PHEX: variants seen among roughly 807,000 people sequenced by gnomAD.
PHEX encodes phosphate-regulating neutral endopeptidase PHEX.
A neutral mutation model predicts 68.0 loss-of-function variants in PHEX; 16 were observed. The ratio of observed to expected loss-of-function variants is 0.24; its 90% CI spans 0.16 to 0.36. PHEX has a LOEUF of 0.36. Ranked by LOEUF, PHEX falls within the 10% of genes least tolerant of loss-of-function variation. PHEX has a pLI of 1.00. For missense variants in PHEX, 480 were observed against 575.5 expected (o/e 0.83, Z 1.70); for synonymous variants, 208 against 205.1 (o/e 1.01, Z -0.12).
chrX:22,044,719 T>A (rs1009223821), intron 2 of PHEX, among the ~76,000 whole-genome samples: 1 of 77,361 alleles, frequency 1.3e-5, no homozygotes, highest in South Asian at 5.6e-4. Context: ...TCTCAAAAAA[T>A]AAATAAATAA....
intron 17 of PHEX, among the ~76,000 whole-genome samples, chrX:22,219,537 C>G (rs966998336): frequency 8.9e-6 from 1 of 112,447 alleles, no homozygotes; most frequent in African/African-American, 3.2e-5. Context: ...GCTTGGCTGA[C>G]TGGTTCCCTT....
chrX:22,155,595 C>CA lies in PHEX; in HGVS notation c.1405-12711dup, dbSNP rs373332034. Among the ~76,000 whole-genome samples, 195 of 111,455 alleles carry CA rather than the reference C, an allele frequency of 1.7e-3. 1 individual carries two copies. Among genetic ancestry groups the CA allele is most frequent in the African/African-American group, 6.2e-3 (191 of 30,745 alleles). ...TTTGTAAGTATTTTTTCCCATTCCC[C>CA]AAAAAATGCATTGATTTATTTCATA... On this transcript the variant is annotated intron_variant, in intron 12 of 21. Transcript: ENST00000379374.
At chrX:22,235,313 G>A (rs142820402) in intron 20 of PHEX, among the ~76,000 whole-genome samples, 351 of 111,947 alleles carry the variant, frequency 3.1e-3, no homozygotes, top group African/African-American at 0.01. Flanking sequence ...AGTTCTTCTC[G>A]ATGTTTCATA....
chrX:22,097,245 T>C (rs1165800130), intron 8 of PHEX, among the ~76,000 whole-genome samples: 1 of 112,631 alleles, frequency 8.9e-6, no homozygotes, highest in African/African-American at 3.2e-5. Flanking sequence ...AACAGTGGCT[T>C]AGAAACTTAA....
chrX:22,052,401 T>A (rs1381074372), intron 3 of PHEX, among the ~76,000 whole-genome samples: 1 of 111,169 alleles, frequency 9.0e-6, no homozygotes, highest in African/African-American at 3.3e-5. Flanking sequence ...ATCATTTTTA[T>A]ATTTTTAATA....
At chrX:22,083,720 T>C (rs1929494685) in intron 5 of PHEX, among the ~76,000 whole-genome samples, 1 of 112,270 alleles carries the variant, frequency 8.9e-6, no homozygotes, top group Non-Finnish European at 1.9e-5. Context: ...TGATCAGTTC[T>C]AATAGTTTTT....
intron 15 of PHEX, among the ~76,000 whole-genome samples, chrX:22,192,759 T>C (rs1934242372): frequency 8.9e-6 from 1 of 112,021 alleles, no homozygotes; most frequent in South Asian, 3.7e-4. Context: ...GCCTTCCCTC[T>C]GGCCAGTTGG....
chrX:22,154,997 C>T (rs1032298185), intron 12 of PHEX, among the ~76,000 whole-genome samples: 3 of 112,485 alleles, frequency 2.7e-5, no homozygotes, highest in South Asian at 3.6e-4. Flanking sequence ...CTGCAACCTC[C>T]GCCTCCCGCA....
chrX:22,234,491 C>T (rs749210830), intron 20 of PHEX, among the ~76,000 whole-genome samples: 5 of 110,873 alleles, frequency 4.5e-5, no homozygotes, highest in Admixed American at 3.8e-4. Context: ...ATCTGGCAGT[C>T]TGGCCACAGT....
In PHEX at chrX:22,128,455, A is replaced by C. The variant is rs57774404; in HGVS notation, c.1303-5068A>C. On this transcript the variant is annotated intron_variant, in intron 11 of 21. Transcript: ENST00000379374. ...TGGACAGGGAGGGTCCTATGAAACC[A>C]AGCTGCTTAGAGAGAAGTATCTGGA... is the stretch of plus-strand genomic sequence containing the variant. Among the ~76,000 whole-genome samples the C allele has an allele frequency of 5.5e-3, 607 of 110,674 alleles. 5 individuals are homozygous for C. The highest frequency in any genetic ancestry group is 0.019 in the African/African-American group (581 of 30,469).
At chrX:22,063,977 A>G (rs1053423125) in intron 3 of PHEX, among the ~76,000 whole-genome samples, 15 of 112,526 alleles carry the variant, frequency 1.3e-4, no homozygotes, top group Non-Finnish European at 2.4e-4. Flanking sequence ...ACCAAAATGA[A>G]TACCATATTT....
chrX:22,104,479 C>A (rs190056157), intron 9 of PHEX, among the ~76,000 whole-genome samples: 1 of 111,315 alleles, frequency 9.0e-6, no homozygotes, highest in Non-Finnish European at 1.9e-5. Flanking sequence ...TAGTGATGAT[C>A]CCTCATGTTA....
chrX:22,204,843 A>G (rs1397841096), intron 15 of PHEX, among the ~76,000 whole-genome samples: 1 of 111,787 alleles, frequency 8.9e-6, no homozygotes, highest in Non-Finnish European at 1.9e-5. Flanking sequence ...ATAAGATGAT[A>G]TATCAGCAAT....
chrX:22,214,622 CATTG>C (rs1433803374), intron 16 of PHEX, among the ~76,000 whole-genome samples: 6 of 111,739 alleles, frequency 5.4e-5, no homozygotes, highest in East Asian at 2.8e-4. Context: ...CACCTTCCAT[CATTG>C]ATTGAGGGCT....
At chrX:22,178,210 A>AT (rs1376847689) in intron 13 of PHEX, 63 bp from the exon 14 acceptor site, 4 of 756,088 alleles carry the variant, frequency 5.3e-6, no homozygotes, top group African/African-American at 4.2e-5. Context: ...ATGCTGAAGT[A>AT]TTTTTTTAGA....
rs1225516665 is a variant in PHEX at position 22,234,964 on chromosome X, GGGAATCT to G, written c.2070+7361_2070+7367del. ...GAGCCCTGGTGGGGTAGGCACTGGAGGGAATCTGGAATCTCCTCCTGTTCTGCAGGTT... is the reference window on the plus strand; with the variant it reads ...GAGCCCTGGTGGGGTAGGCACTGGAGGGAATCTCCTCCTGTTCTGCAGGTT... On this transcript the variant is annotated intron_variant, in intron 20 of 21. Transcript: ENST00000379374. Among the ~76,000 whole-genome samples, 12 of 111,915 alleles carry G rather than the reference GGGAATCT, an allele frequency of 1.1e-4. No homozygotes were observed. In the East Asian group the frequency reaches 3.4e-3, roughly 31 times the overall value.
chrX:22,172,068 G>A (rs969211699), intron 13 of PHEX: 1 of 112,259 alleles, frequency 8.9e-6, no homozygotes, highest in Non-Finnish European at 1.9e-5. Context: ...ATTTTTTAAG[G>A]ATGACAAGGT....
chrX:22,238,684 C>A (rs1283508347), intron 20 of PHEX, among the ~76,000 whole-genome samples: 6 of 111,852 alleles, frequency 5.4e-5, no homozygotes, highest in Admixed American at 4.7e-4. Flanking sequence ...CACAGCAGTT[C>A]AGCAAGGCCA....
At chrX:22,124,126 C>T (rs528200032) in intron 11 of PHEX, among the ~76,000 whole-genome samples, 7 of 111,405 alleles carry the variant, frequency 6.3e-5, no homozygotes, top group South Asian at 7.5e-4. Flanking sequence ...CCACCATGCC[C>T]GGCCATGTAA....
Sources: allele counts gnomAD v4.1 joint callset (sites outside exome capture counted in the v4.1 genomes callset), GRCh38; gene constraint gnomAD v4.1.1; transcripts MANE v1.5; gene names NCBI Gene and HGNC (gene_info 2026-07-23, HGNC 2026-07-21).